DLGAP2: variants seen among roughly 807,000 people sequenced by gnomAD.
The protein encoded by DLGAP2 is disks large-associated protein 2.
Under a neutral mutation model 100.3 loss-of-function variants are expected in DLGAP2, and 26 were observed. The ratio of observed to expected loss-of-function variants is 0.26; its 90% CI spans 0.19 to 0.36. The LOEUF is 0.36. Among genes scored for constraint, DLGAP2 ranks in the 10% least tolerant of loss-of-function variants. DLGAP2 has a pLI of 1.00. For synonymous variants in DLGAP2, 886 were observed against 630.1 expected (o/e 1.41, Z -6.08); for missense variants, 1,858 against 1,453.2 (o/e 1.28, Z -4.53).
At position 1,420,208 on chromosome 8, in the gene DLGAP2, G is replaced by C. The variant is rs114078760; in HGVS notation, c.107-81158G>C. 6.0e-3 allele frequency among the ~76,000 whole-genome samples: 909 copies of C among 152,288 alleles called. 14 individuals are homozygous for C. The highest frequency in any genetic ancestry group is 0.02 in the African/African-American group (835 of 41,554). ...CCTGAGGCTCTCCAGGGTCCAGCTT[G>C]AGTCTCTGCATCAGCGTAAACTCAG... On this transcript the variant is annotated intron_variant, in intron 3 of 14. Coordinates refer to ENST00000637795, the MANE Select transcript of DLGAP2 (RefSeq NM_001346810.2).
intron 1 of DLGAP2, among the ~76,000 whole-genome samples, chr8:814,118 C>T (rs1585892125): frequency 6.6e-6 from 1 of 152,122 alleles, no homozygotes; most frequent in East Asian, 1.9e-4. Flanking sequence ...AAAATAAGAG[C>T]AGGATGCCAT....
chr8:1,649,834 C>G (rs961309385), intron 8 of DLGAP2, among the ~76,000 whole-genome samples: 2 of 151,910 alleles, frequency 1.3e-5, no homozygotes, highest in African/African-American at 4.8e-5. Flanking sequence ...ATTTGTATCT[C>G]TATTTATTTA....
At chr8:864,901 CTT>C (rs1489042594) in intron 1 of DLGAP2, among the ~76,000 whole-genome samples, 1 of 152,172 alleles carries the variant, frequency 6.6e-6, no homozygotes, top group African/African-American at 2.4e-5. Flanking sequence ...ACACCTCCCT[CTT>C]TAAATGTTTC....
chr8:1,116,847 C>T (rs1160573415), intron 2 of DLGAP2, among the ~76,000 whole-genome samples: 1 of 152,076 alleles, frequency 6.6e-6, no homozygotes, highest in Non-Finnish European at 1.5e-5. Flanking sequence ...GTATCTGGAA[C>T]ACGAAGAACT....
At chr8:1,387,004 A>C (rs1796236121) in intron 3 of DLGAP2, among the ~76,000 whole-genome samples, 1 of 152,218 alleles carries the variant, frequency 6.6e-6, no homozygotes, top group South Asian at 2.1e-4. Flanking sequence ...CTAAAAATAA[A>C]TTTAATACTA....
intron 3 of DLGAP2, among the ~76,000 whole-genome samples, chr8:1,377,374 C>A (rs866214341): frequency 6.6e-6 from 1 of 152,190 alleles, no homozygotes; most frequent in African/African-American, 2.4e-5. Flanking sequence ...GAAACCCCGT[C>A]TCTACAGAAA....
At chr8:1,209,556 A>C (rs1233527238) in intron 2 of DLGAP2, among the ~76,000 whole-genome samples, 1 of 152,288 alleles carries the variant, frequency 6.6e-6, no homozygotes, top group African/African-American at 2.4e-5. Context: ...ATACTACTCT[A>C]ATAAATTCCT....
chr8:1,070,086 C>G (rs1803381274), intron 2 of DLGAP2, among the ~76,000 whole-genome samples: 1 of 152,196 alleles, frequency 6.6e-6, no homozygotes, highest in Admixed American at 6.5e-5. Context: ...AATCACTACG[C>G]TACTTCCTGA....
intron 2 of DLGAP2, among the ~76,000 whole-genome samples, chr8:982,256 A>G (rs1004131941): frequency 2.0e-5 from 3 of 152,248 alleles, no homozygotes; most frequent in Non-Finnish European, 4.4e-5. Context: ...AGACCCGTTA[A>G]TGGATGAATG....
rs1796607751 is a variant in DLGAP2, at chr8:822,777, C to G, written c.18+84952C>G. On this transcript the variant is annotated intron_variant, in intron 1 of 14. Coordinates refer to ENST00000637795, the MANE Select transcript of DLGAP2 (RefSeq NM_001346810.2). The stretch of plus-strand genomic sequence containing the variant: ...CTGGGCGTGGTGAGATGGGACACAG[C>G]CTTCGGACAACAGCATCCTGGGGCT... Among the ~76,000 whole-genome samples the G allele has an allele frequency of 3.3e-5, 5 of 152,262 alleles. No individual in the cohort carries two copies. In the Middle Eastern group the frequency reaches 0.01, roughly 311 times the overall value.
intron 4 of DLGAP2, among the ~76,000 whole-genome samples, chr8:1,546,281 C>T (rs1801531298): frequency 6.6e-6 from 1 of 152,196 alleles, no homozygotes; most frequent in East Asian, 1.9e-4. Flanking sequence ...GGACTGTTTA[C>T]TGTGAGAATA....
In DLGAP2 at chr8:868,662, C is replaced by A. The variant is rs78189461; in HGVS notation, c.19-39250C>A. Among the ~76,000 whole-genome samples the A allele has an allele frequency of 7.9e-5, 12 of 152,316 alleles. No individual in the cohort carries two copies. The East Asian group carries it at 1.2e-3, about 15-fold the overall frequency. On this transcript the variant is annotated intron_variant, in intron 1 of 14. Transcript: ENST00000637795. ...GCATTCATGTGCTCTTCCAAGGGTG[C>A]GCGGCACCTTGAAGAAGGTGCTGGT...
intron 1 of DLGAP2, among the ~76,000 whole-genome samples, chr8:902,367 G>T (rs1196121296): frequency 1.3e-5 from 2 of 150,306 alleles, no homozygotes; most frequent in Non-Finnish European, 3.0e-5. Context: ...GGGCTGGGGG[G>T]GCACTCCAAG....
At chr8:1,163,213 A>C (rs927594477) in intron 2 of DLGAP2, among the ~76,000 whole-genome samples, 6 of 152,056 alleles carry the variant, frequency 3.9e-5, no homozygotes, top group African/African-American at 1.4e-4. Context: ...CCAGTGAAAA[A>C]CTGACGATGG....
rs569499169 is a variant in DLGAP2 at position 1,472,967 on chromosome 8, T to A, written c.107-28399T>A. ...TTTTTTTTTTGACATGGACTCTTGC[T>A]TTGTCCAGGCTGGAGTGCAGTGGCT... On this transcript the variant is annotated intron_variant, in intron 3 of 14. Transcript: ENST00000637795. Among the ~76,000 whole-genome samples the A allele has an allele frequency of 2.0e-5, 3 of 152,282 alleles. No homozygotes were observed. The South Asian group carries it at 6.2e-4, about 32-fold the overall frequency.
In DLGAP2 at chr8:1,470,177, GT is replaced by G. The variant is rs535684338; in HGVS notation, c.107-31187del. Among the ~76,000 whole-genome samples, 144 of 152,156 alleles carry G rather than the reference GT, an allele frequency of 9.5e-4. 1 individual carries two copies. Among genetic ancestry groups the G allele is most frequent in the Admixed American group, 9.2e-3 (140 of 15,288 alleles). ...ACCCTGTCTCCAAAGAAAAGCCTCA[GT>G]TGTGGCTGCTGAAAGACAGGATCAT... On this transcript the variant is annotated intron_variant, in intron 3 of 14. Coordinates refer to ENST00000637795, the MANE Select transcript of DLGAP2 (RefSeq NM_001346810.2).
intron 4 of DLGAP2, among the ~76,000 whole-genome samples, chr8:1,506,618 G>T (rs148904849): frequency 7.2e-5 from 11 of 152,208 alleles, no homozygotes; most frequent in Non-Finnish European, 1.2e-4. Context: ...GGTTGCCAGT[G>T]CCGGCTCAGG....
At chr8:1,357,390 T>G (rs1265888201) in intron 3 of DLGAP2, among the ~76,000 whole-genome samples, 1 of 143,106 alleles carries the variant, frequency 7.0e-6, no homozygotes, top group Non-Finnish European at 1.5e-5. Flanking sequence ...ATGCATCTGT[T>G]GGTGCCAAAT....
At chr8:1,578,904 C>G (rs576844726) in intron 6 of DLGAP2, among the ~76,000 whole-genome samples, 1 of 152,226 alleles carries the variant, frequency 6.6e-6, no homozygotes, top group African/African-American at 2.4e-5. Flanking sequence ...GGGTCAGACC[C>G]TGCCCACGTG....
Sources: allele counts gnomAD v4.1 joint callset (sites outside exome capture counted in the v4.1 genomes callset), GRCh38; gene constraint gnomAD v4.1.1; transcripts MANE v1.5; gene names NCBI Gene and HGNC (gene_info 2026-07-23, HGNC 2026-07-21).